TOGARAM1: variants seen among roughly 807,000 people sequenced by gnomAD.
The protein encoded by TOGARAM1 is TOG array regulator of axonemal microtubules 1, also known as TOG array regulator of axonemal microtubules protein 1.
In TOGARAM1, 100 loss-of-function variants were observed where a neutral mutation model predicts 166.6. That is an observed-to-expected ratio of 0.60 (90% CI 0.51 to 0.71). The LOEUF is 0.71. Among genes scored for constraint, TOGARAM1 ranks in the 30% least tolerant of loss-of-function variants. TOGARAM1 has a pLI of 0.00. For missense variants in TOGARAM1, 2,029 were observed against 2,102.7 expected (o/e 0.96, Z 0.69); for synonymous variants, 758 against 763.8 (o/e 0.99, Z 0.13).
At chr14:44,991,561 GAT>G (rs1887137090) in intron 1 of TOGARAM1, among the ~76,000 whole-genome samples, 1 of 152,134 alleles carries the variant, frequency 6.6e-6, no homozygotes, top group African/African-American at 2.4e-5. Context: ...AATACACAAA[GAT>G]ATGTGTGTAA....
rs971839319 is a variant in TOGARAM1 at position 45,006,344 on chromosome 14, A to G, written c.2904+77A>G. On this transcript the variant is annotated intron_variant, in intron 5 of 19. Transcript: ENST00000361462. Reference sequence around the variant, plus strand: ...TATAGTTGCTATTTAAGGAAAAATCAAGTTCTTTTTATCCTATAATATCTT... The same window carrying G: ...TATAGTTGCTATTTAAGGAAAAATCGAGTTCTTTTTATCCTATAATATCTT... 2.6e-5 allele frequency: 28 copies of G among 1,084,000 alleles called. No individual in the cohort carries two copies. The African/African-American group carries it at 4.0e-4, about 15-fold the overall frequency. The allele number at this position is 1,084,000 out of a possible 1,614,324, so 67.1% of individuals were successfully genotyped here. A position where few individuals can be genotyped will look rare whatever the true frequency, so the allele number is the denominator to read the frequency against.
chr14:45,019,850 G>A (rs1384362472), intron 7 of TOGARAM1, among the ~76,000 whole-genome samples: 2 of 152,190 alleles, frequency 1.3e-5, no homozygotes, highest in Non-Finnish European at 2.9e-5. Context: ...TGCTGTTGGG[G>A]TGGTTGGCTG....
chr14:45,051,750 C>T (rs1051473641), intron 14 of TOGARAM1, among the ~76,000 whole-genome samples: 1 of 151,746 alleles, frequency 6.6e-6, no homozygotes, highest in African/African-American at 2.4e-5. Context: ...TTAGGAGAGA[C>T]GGGGTTTCAT....
At chr14:45,066,002 T>G (rs1380380622) in intron 16 of TOGARAM1, among the ~76,000 whole-genome samples, 1 of 152,214 alleles carries the variant, frequency 6.6e-6, no homozygotes, top group Non-Finnish European at 1.5e-5. Context: ...CCCTAACTGA[T>G]AAGATAGTTT....
intron 11 of TOGARAM1, among the ~76,000 whole-genome samples, chr14:45,040,926 C>G (rs1302341592): frequency 6.6e-6 from 1 of 152,148 alleles, no homozygotes; most frequent in Non-Finnish European, 1.5e-5. Context: ...GTAATCCCAG[C>G]TATTCAGGAG....
intron 7 of TOGARAM1, among the ~76,000 whole-genome samples, chr14:45,013,699 T>G (rs1879946990): frequency 6.6e-6 from 1 of 152,232 alleles, no homozygotes; most frequent in Non-Finnish European, 1.5e-5. Context: ...GCACTCAATA[T>G]GTATTTGTCC....
At chr14:45,056,343 A>T (rs1319657210) in intron 16 of TOGARAM1, among the ~76,000 whole-genome samples, 2 of 152,068 alleles carry the variant, frequency 1.3e-5, no homozygotes, top group Admixed American at 1.3e-4. Context: ...TGACTTTTGC[A>T]GTTGGGTGCC....
intron 1 of TOGARAM1, among the ~76,000 whole-genome samples, chr14:44,969,301 A>T (rs1003419046): frequency 5.3e-5 from 8 of 150,838 alleles, no homozygotes; most frequent in Admixed American, 5.3e-4. Flanking sequence ...ACAGGCCCAC[A>T]CCATCATGCC....
chr14:45,044,921 G>T (rs1433607649), intron 13 of TOGARAM1, 51 bp downstream of exon 13: 11 of 1,365,642 alleles, frequency 8.1e-6, no homozygotes, highest in Non-Finnish European at 1.0e-5. Flanking sequence ...ATGAAATGTT[G>T]CAATCGGGAC....
chr14:45,020,428 G>A (rs549016441), intron 7 of TOGARAM1, among the ~76,000 whole-genome samples: 7 of 152,334 alleles, frequency 4.6e-5, no homozygotes, highest in African/African-American at 9.6e-5. Context: ...CCCGTTCCAT[G>A]TCACCATTTA....
chr14:44,966,033 C>A lies in TOGARAM1; in HGVS notation c.2046+1566C>A, dbSNP rs186559718. On this transcript the variant is annotated intron_variant, in intron 1 of 19. Coordinates refer to ENST00000361462, the MANE Select transcript of TOGARAM1 (RefSeq NM_001308120.2). ...GAGATTACAGGCTCCCACCACCACG[C>A]CCAGCTAATTTTTGTATTTTTAGTA... 4.0e-4 allele frequency among the ~76,000 whole-genome samples: 60 copies of A among 151,752 alleles called. No homozygotes were observed. In the East Asian group the frequency reaches 0.011, roughly 28 times the overall value.
At chr14:45,052,380 C>A (rs10131615) in intron 14 of TOGARAM1, 56 bp from the exon 15 acceptor site, 121,048 of 1,493,554 alleles carry the variant, frequency 0.081, 9,540 homozygotes, top group African/African-American at 0.4. Context: ...CTAAGGTCAG[C>A]AACTGAGCTT....
intron 7 of TOGARAM1, among the ~76,000 whole-genome samples, chr14:45,013,964 A>C (rs773548676): frequency 3.3e-4 from 50 of 151,886 alleles, no homozygotes; most frequent in Non-Finnish European, 2.4e-4. Flanking sequence ...GAGTCATTTA[A>C]GTTTTAGCAG....
intron 16 of TOGARAM1, among the ~76,000 whole-genome samples, chr14:45,057,840 G>A (rs1292737486): frequency 6.6e-6 from 1 of 152,042 alleles, no homozygotes; most frequent in African/African-American, 2.4e-5. Flanking sequence ...AATTTGTTGG[G>A]ACTTATTATG....
At chr14:45,025,308 G>A (rs1282625585) in intron 7 of TOGARAM1, among the ~76,000 whole-genome samples, 2 of 152,096 alleles carry the variant, frequency 1.3e-5, no homozygotes, top group South Asian at 2.1e-4. Flanking sequence ...GCTCATGCCT[G>A]TAATACCAGC....
intron 10 of TOGARAM1, among the ~76,000 whole-genome samples, chr14:45,031,490 G>C (rs921588186): frequency 1.3e-5 from 2 of 152,154 alleles, no homozygotes; most frequent in African/African-American, 2.4e-5. Context: ...TATATCGATA[G>C]AGAAAATCAA....
chr14:45,007,871 T>C (rs1266159421), intron 5 of TOGARAM1: 1 of 152,202 alleles, frequency 6.6e-6, no homozygotes, highest in Non-Finnish European at 1.5e-5. Context: ...TTTGTGTGTG[T>C]GTTTGTTTTT....
rs780397188 is a variant in TOGARAM1 at position 45,035,046 on chromosome 14, G to A, written c.3812+2670G>A. On this transcript the variant is annotated intron_variant, in intron 11 of 19. Transcript: ENST00000361462. The stretch of plus-strand genomic sequence containing the variant: ...CCAAAACTAATATCTACAGATGAAA[G>A]CTATAATGTCTGAGATAGGAAATAC... Among the ~76,000 whole-genome samples, 130 of 152,134 alleles carry A rather than the reference G, an allele frequency of 8.5e-4. 2 individuals carry two copies. Among genetic ancestry groups the A allele is most frequent in the Non-Finnish European group, 2.5e-4 (17 of 68,016 alleles).
intron 7 of TOGARAM1, among the ~76,000 whole-genome samples, chr14:45,016,479 A>T (rs1483561558): frequency 6.6e-6 from 1 of 152,208 alleles, no homozygotes; most frequent in Admixed American, 6.5e-5. Flanking sequence ...CAGGAGTTCC[A>T]GACCAACCTG....
Sources: gnomAD v4.1 joint callset for allele counts (sites outside exome capture counted in the v4.1 genomes callset) on GRCh38, gnomAD v4.1.1 for gene constraint, MANE v1.5 for transcripts, NCBI Gene and HGNC (gene_info 2026-07-23, HGNC 2026-07-21) for gene names.